DLGAP1: variants seen among roughly 807,000 people sequenced by gnomAD.
DLGAP1 encodes the protein DLG associated protein 1.
A neutral mutation model predicts 90.8 loss-of-function variants in DLGAP1; 11 were observed. The ratio of observed to expected loss-of-function variants is 0.12; its 90% CI spans 0.08 to 0.20. The LOEUF (loss-of-function observed/expected upper bound fraction) is 0.20. Ranked by LOEUF, DLGAP1 falls within the 10% of genes least tolerant of loss-of-function variation. The pLI, the probability that DLGAP1 is intolerant of heterozygous loss-of-function variation, is 1.00. For synonymous variants in DLGAP1, 558 were observed against 540.7 expected, an observed-to-expected ratio of 1.03 and a Z score of -0.44; for missense variants, 1,050 against 1,333.8, an observed-to-expected ratio of 0.79 and a Z score of 3.31.
At chr18:4,261,888 A>T (rs2079010301) in intron 1 of DLGAP1, among the ~76,000 whole-genome samples, 1 of 152,232 alleles carries the variant, frequency 6.6e-6, no homozygotes, top group Non-Finnish European at 1.5e-5. Context: ...AGTGAACAGG[A>T]ACTCATTTAA....
intron 7 of DLGAP1, among the ~76,000 whole-genome samples, chr18:3,680,569 T>A: frequency 6.6e-6 from 1 of 152,072 alleles, no homozygotes. Flanking sequence ...GGGCAGATCA[T>A]GGAGTCAGGA....
chr18:4,241,229 A>G lies in DLGAP1; in HGVS notation c.-266-89942T>C, dbSNP rs79560159. Reference sequence around the variant, plus strand: ...TGAACAAGTCCTCCTGGGGATTCCAATGCCCTGTGGTTCTTAAAACACTGA... The same window carrying G: ...TGAACAAGTCCTCCTGGGGATTCCAGTGCCCTGTGGTTCTTAAAACACTGA... On this transcript the variant is annotated intron_variant, in intron 1 of 12. Coordinates refer to ENST00000315677, the MANE Select transcript of DLGAP1 (RefSeq NM_004746.4). Among the ~76,000 whole-genome samples, 396 of 152,268 alleles carry G rather than the reference A, an allele frequency of 2.6e-3. 2 individuals are homozygous for G. Among genetic ancestry groups the G allele is most frequent in the African/African-American group, 9.2e-3 (382 of 41,548 alleles).
chr18:3,728,390 A>G (rs539522552), intron 7 of DLGAP1, among the ~76,000 whole-genome samples: 41 of 150,866 alleles, frequency 2.7e-4, no homozygotes, highest in African/African-American at 9.6e-4. Context: ...TCATATGCAC[A>G]CATTGTCATA....
At chr18:3,538,011 A>G (rs1279878571) in intron 9 of DLGAP1, among the ~76,000 whole-genome samples, 2 of 152,222 alleles carry the variant, frequency 1.3e-5, no homozygotes, top group Non-Finnish European at 2.9e-5. Context: ...ACTATCCTGG[A>G]CTATGCTCTT....
intron 2 of DLGAP1, among the ~76,000 whole-genome samples, chr18:4,092,847 T>G (rs2075791252): frequency 6.6e-6 from 1 of 152,184 alleles, no homozygotes; most frequent in Non-Finnish European, 1.5e-5. Context: ...GTTCCCTTTG[T>G]GCCTGCAGCT....
chr18:3,649,847 G>T (rs932146451), intron 7 of DLGAP1, among the ~76,000 whole-genome samples: 1 of 152,106 alleles, frequency 6.6e-6, no homozygotes, highest in African/African-American at 2.4e-5. Context: ...TGAGGTCAAT[G>T]GTTGGTCATT....
rs774502650 is a variant in DLGAP1, at chr18:3,498,317, A to G, written c.*868T>C. The stretch of plus-strand genomic sequence containing the variant: ...TACACAGTACAATAAGAGTTGAGAA[A>G]ACATTTCAGGTCTAGATTTTCTTAA... On this transcript the variant is annotated 3_prime_UTR_variant, in exon 13 of 13. Transcript: ENST00000315677. 5.9e-5 allele frequency: 9 copies of G among 152,232 alleles called. No individual in the cohort carries two copies. The highest frequency in any genetic ancestry group is 1.3e-4 in the Non-Finnish European group (9 of 68,042). The allele number at this position is 152,232 out of a possible 1,614,324, so 9.4% of individuals were successfully genotyped here. A position where few individuals can be genotyped will look rare whatever the true frequency, so the allele number is the denominator to read the frequency against.
chr18:4,375,694 T>TAGTCTGTA (rs2082000559), intron 1 of DLGAP1, among the ~76,000 whole-genome samples: 1 of 152,172 alleles, frequency 6.6e-6, no homozygotes, highest in African/African-American at 2.4e-5. Context: ...AACATCATAC[T>TAGTCTGTA]AGTCTGTACA....
At chr18:3,990,209 A>G (rs1261529678) in intron 3 of DLGAP1, among the ~76,000 whole-genome samples, 2 of 152,178 alleles carry the variant, frequency 1.3e-5, no homozygotes, top group Non-Finnish European at 2.9e-5. Context: ...CACTATTCAC[A>G]ATAGCAAAGA....
intron 1 of DLGAP1, among the ~76,000 whole-genome samples, chr18:4,237,468 G>A (rs2078442749): frequency 6.6e-6 from 1 of 152,128 alleles, no homozygotes; most frequent in Non-Finnish European, 1.5e-5. Context: ...TTAATGCCTT[G>A]ATTCTGGGGA....
intron 1 of DLGAP1, among the ~76,000 whole-genome samples, chr18:4,290,663 A>T (rs1326659215): frequency 6.6e-5 from 10 of 152,254 alleles, no homozygotes; most frequent in Non-Finnish European, 7.3e-5. Context: ...TTAAAGTCCA[A>T]TAACAGTAAA....
At chr18:4,080,769 C>G (rs74512975) in intron 2 of DLGAP1, among the ~76,000 whole-genome samples, 5,382 of 152,244 alleles carry the variant, frequency 0.035, 354 homozygotes, top group African/African-American at 0.12. Context: ...GCTGTTTTTG[C>G]TCATCCTGTG....
intron 7 of DLGAP1, among the ~76,000 whole-genome samples, chr18:3,699,466 G>A (rs532122082): frequency 2.6e-4 from 39 of 152,262 alleles, no homozygotes; most frequent in Non-Finnish European, 1.2e-4. Flanking sequence ...TATCACCAGC[G>A]GAGGCTGCAG....
intron 2 of DLGAP1, among the ~76,000 whole-genome samples, chr18:4,117,698 C>G (rs1266611661): frequency 6.6e-6 from 1 of 152,176 alleles, no homozygotes; most frequent in Admixed American, 6.5e-5. Flanking sequence ...TGACGGACTA[C>G]TAGCTTGGAT....
chr18:3,655,189 T>C (rs1208162762), intron 7 of DLGAP1, among the ~76,000 whole-genome samples: 1 of 152,158 alleles, frequency 6.6e-6, no homozygotes, highest in South Asian at 2.1e-4. Flanking sequence ...ACCTCTTCCA[T>C]GCAGCCTCCC....
chr18:3,807,781 T>G (rs1163419787), intron 5 of DLGAP1, among the ~76,000 whole-genome samples: 1 of 152,218 alleles, frequency 6.6e-6, no homozygotes, highest in Non-Finnish European at 1.5e-5. Context: ...TAAAAATGTC[T>G]CATTCCTTCT....
intron 7 of DLGAP1, chr18:3,594,275 G>C (rs1270581671): frequency 2.6e-5 from 4 of 152,196 alleles, no homozygotes; most frequent in African/African-American, 7.2e-5. Flanking sequence ...AAAAGGGCAA[G>C]TGGCACAATC....
chr18:4,182,787 T>A (rs1013852435), intron 1 of DLGAP1, among the ~76,000 whole-genome samples: 1 of 152,154 alleles, frequency 6.6e-6, no homozygotes, highest in Non-Finnish European at 1.5e-5. Context: ...CAAAGGATAG[T>A]TGGGTTTTAG....
intron 7 of DLGAP1, among the ~76,000 whole-genome samples, chr18:3,587,581 A>C (rs1167896163): frequency 6.6e-6 from 1 of 152,198 alleles, no homozygotes; most frequent in Non-Finnish European, 1.5e-5. Flanking sequence ...TGGCCACCCC[A>C]GCCAGCAGCA....
Sources: gnomAD v4.1 joint callset for allele counts (sites outside exome capture counted in the v4.1 genomes callset) on GRCh38, gnomAD v4.1.1 for gene constraint, MANE v1.5 for transcripts, NCBI Gene and HGNC (gene_info 2026-07-23, HGNC 2026-07-21) for gene names.